GATAD2A: variants seen among roughly 807,000 people sequenced by gnomAD.
GATAD2A encodes transcriptional repressor p66-alpha.
In GATAD2A, 12 loss-of-function variants were observed where a neutral mutation model predicts 68.5. That is an observed-to-expected ratio of 0.18 (90% CI 0.11 to 0.28). GATAD2A has a LOEUF of 0.28. Ranked by LOEUF, GATAD2A falls within the 10% of genes least tolerant of loss-of-function variation. The pLI is 1.00. For synonymous variants in GATAD2A, 410 were observed against 375.3 expected, an observed-to-expected ratio of 1.09 and a Z score of -1.07; for missense variants, 755 against 868.5, an observed-to-expected ratio of 0.87 and a Z score of 1.64.
rs146878505 is a variant in GATAD2A, at chr19:19,408,253, G to A, written c.-7+2234G>A. On this transcript the variant is annotated intron_variant, in intron 1 of 11. Transcript: ENST00000683918. ...GCCCACCTCAGCCTCCCAAAGTGCT[G>A]GGATTACAGGCGTGAGCCACCACGC... Among the ~76,000 whole-genome samples, 337 of 152,316 alleles carry A rather than the reference G, an allele frequency of 2.2e-3. 2 individuals are homozygous for A. Among genetic ancestry groups the A allele is most frequent in the South Asian group, 0.016 (78 of 4,820 alleles).
intron 2 of GATAD2A, among the ~76,000 whole-genome samples, chr19:19,489,934 C>T (rs1276043567): frequency 2.6e-5 from 4 of 152,184 alleles, no homozygotes; most frequent in Admixed American, 2.0e-4. Context: ...AGTGTGTGTA[C>T]ACGTCCAGGG....
At chr19:19,477,293 C>T (rs986994264) in intron 2 of GATAD2A, among the ~76,000 whole-genome samples, 1 of 152,080 alleles carries the variant, frequency 6.6e-6, no homozygotes, top group African/African-American at 2.4e-5. Flanking sequence ...GGGACCTGTG[C>T]CATAGGACTG....
At chr19:19,428,641 G>A (rs927038918) in intron 1 of GATAD2A, among the ~76,000 whole-genome samples, 2 of 152,214 alleles carry the variant, frequency 1.3e-5, no homozygotes, top group Non-Finnish European at 2.9e-5. Flanking sequence ...GGGAGCGAGA[G>A]GGGTGTGGTG....
At chr19:19,426,454 A>T (rs1188715233) in intron 1 of GATAD2A, among the ~76,000 whole-genome samples, 2 of 152,170 alleles carry the variant, frequency 1.3e-5, no homozygotes, top group East Asian at 3.8e-4. Context: ...CATCTATGAC[A>T]TAATGTGTGG....
At chr19:19,469,248 A>G (rs2058087290) in intron 2 of GATAD2A, among the ~76,000 whole-genome samples, 1 of 151,938 alleles carries the variant, frequency 6.6e-6, no homozygotes, top group Non-Finnish European at 1.5e-5. Flanking sequence ...TGGCTAACGC[A>G]GTGAAACCCC....
intron 1 of GATAD2A, among the ~76,000 whole-genome samples, chr19:19,398,083 A>G (rs1049258341): frequency 6.7e-6 from 1 of 149,418 alleles, no homozygotes; most frequent in African/African-American, 2.5e-5. Context: ...TTGTATTTTT[A>G]GTAGAGATGG....
intron 1 of GATAD2A, among the ~76,000 whole-genome samples, chr19:19,433,421 T>C (rs2053964203): frequency 6.6e-6 from 1 of 152,174 alleles, no homozygotes; most frequent in Non-Finnish European, 1.5e-5. Context: ...TTATTCTAGG[T>C]CCGTTGCACT....
chr19:19,482,047 TAGTG>T (rs2059099055), intron 2 of GATAD2A, among the ~76,000 whole-genome samples: 1 of 151,844 alleles, frequency 6.6e-6, no homozygotes, highest in African/African-American at 2.4e-5. Flanking sequence ...GTCGAGGCTG[TAGTG>T]AGCTGTGATT....
intron 2 of GATAD2A, among the ~76,000 whole-genome samples, chr19:19,491,780 CCT>C (rs1359582493): frequency 6.6e-6 from 1 of 152,188 alleles, no homozygotes; most frequent in Non-Finnish European, 1.5e-5. Context: ...AGGGCTTTGG[CCT>C]GCCTGAGTGG....
chr19:19,492,211 C>T (rs777484187), intron 2 of GATAD2A, 95 bp from the exon 3 acceptor site: 10 of 1,276,736 alleles, frequency 7.8e-6, no homozygotes, highest in Admixed American at 2.1e-5. Flanking sequence ...AGGGAACAGA[C>T]GGGGAGGTCT....
intron 1 of GATAD2A, among the ~76,000 whole-genome samples, chr19:19,414,662 A>G (rs1600058241): frequency 6.9e-6 from 1 of 145,422 alleles, no homozygotes; most frequent in Admixed American, 7.0e-5. Context: ...TCATCCTCCC[A>G]AGTAGCTGGG....
intron 11 of GATAD2A, among the ~76,000 whole-genome samples, chr19:19,503,782 G>T (rs905723029): frequency 6.6e-6 from 1 of 152,248 alleles, no homozygotes; most frequent in South Asian, 2.1e-4. Context: ...GTTACCACGG[G>T]GGTTTTGAGA....
Position 19,465,628 on chromosome 19 carries a change from G to A in GATAD2A, c.269+14G>A. 2 of 1,589,576 alleles carry A rather than the reference G, an allele frequency of 1.3e-6. No homozygotes were observed. Among genetic ancestry groups the A allele is most frequent in the Non-Finnish European group, 1.7e-6 (2 of 1,169,004 alleles). On this transcript the variant is annotated intron_variant, in intron 2 of 11. Transcript: ENST00000683918. ...CACCTCACACAGGTGAGTGGGAGGAGCCAGCGGGAGGGGCTGGAACCTGGA... is the reference window on the plus strand; with the variant it reads ...CACCTCACACAGGTGAGTGGGAGGAACCAGCGGGAGGGGCTGGAACCTGGA...
intron 2 of GATAD2A, among the ~76,000 whole-genome samples, chr19:19,484,054 A>T (rs953722606): frequency 6.6e-6 from 1 of 152,162 alleles, no homozygotes; most frequent in Admixed American, 6.6e-5. Flanking sequence ...CCCAGTGAGC[A>T]GCCCCCACGT....
intron 2 of GATAD2A, chr19:19,472,284 C>G (rs2058367624): frequency 6.6e-6 from 1 of 151,816 alleles, no homozygotes; most frequent in Non-Finnish European, 1.5e-5. Context: ...AATGGTTGAT[C>G]TTCAGAAATA....
intron 1 of GATAD2A, among the ~76,000 whole-genome samples, chr19:19,463,125 C>T (rs1447039753): frequency 6.6e-6 from 1 of 152,166 alleles, no homozygotes; most frequent in Admixed American, 6.5e-5. Flanking sequence ...TCCTGGCCTC[C>T]CCTCATCTCT....
chr19:19,407,382 C>T (rs1340854437), intron 1 of GATAD2A, among the ~76,000 whole-genome samples: 1 of 152,196 alleles, frequency 6.6e-6, no homozygotes, highest in African/African-American at 2.4e-5. Flanking sequence ...GCTAAGCTCC[C>T]CTGCACAGAC....
At chr19:19,436,670 G>A (rs890092740) in intron 1 of GATAD2A, among the ~76,000 whole-genome samples, 2 of 152,230 alleles carry the variant, frequency 1.3e-5, no homozygotes, top group African/African-American at 4.8e-5. Flanking sequence ...AAGCTAAGCT[G>A]CCCCCGCTGC....
At chr19:19,495,913 A>T in intron 6 of GATAD2A, 28 bp downstream of exon 6, 4 of 1,602,196 alleles carry the variant, frequency 2.5e-6, no homozygotes, top group Non-Finnish European at 3.4e-6. Context: ...CATGGGGGAG[A>T]CCTGGCAGCC....
Sources: gnomAD v4.1 joint callset for allele counts (sites outside exome capture counted in the v4.1 genomes callset) on GRCh38, gnomAD v4.1.1 for gene constraint, MANE v1.5 for transcripts, NCBI Gene and HGNC (gene_info 2026-07-23, HGNC 2026-07-21) for gene names.